Variants in TOP2A observed in about 807,000 individuals in gnomAD.
The protein encoded by TOP2A is DNA topoisomerase 2-alpha.
Under a neutral mutation model 187.2 loss-of-function variants are expected in TOP2A, and 68 were observed. The observed-to-expected ratio is 0.36, with a 90% confidence interval of 0.30 to 0.44. The LOEUF is 0.44. Ranked by LOEUF, TOP2A falls within the 20% of genes least tolerant of loss-of-function variation. TOP2A has a pLI of 1.00. For synonymous variants in TOP2A, 542 were observed against 593.2 expected, an observed-to-expected ratio of 0.91 and a Z score of 1.25; for missense variants, 1,196 against 1,808.7, an observed-to-expected ratio of 0.66 and a Z score of 6.14.
chr17:40,391,962 T>C, intron 32 of TOP2A, 106 bp downstream of exon 32: 3 of 1,276,202 alleles, frequency 2.4e-6, no homozygotes, highest in Non-Finnish European at 3.2e-6. Flanking sequence ...GAACTCAAAT[T>C]TATTTCCAAA....
At chr17:40,417,627 C>T (rs2035408703) in intron 1 of TOP2A, 144 bp downstream of exon 1, 3 of 1,517,502 alleles carry the variant, frequency 2.0e-6, no homozygotes, top group African/African-American at 1.4e-5. Context: ...TCCACGATCA[C>T]CCCGGAACCG....
chr17:40,404,577 A>T, intron 17 of TOP2A, 86 bp from the exon 18 acceptor site: 1 of 809,470 alleles, frequency 1.2e-6, no homozygotes, highest in Non-Finnish European at 2.0e-6. Flanking sequence ...CAGAACTAAG[A>T]ATTATTTCTG....
intron 27 of TOP2A, 33 bp downstream of exon 27, chr17:40,398,525 A>T (rs889624495): frequency 6.6e-7 from 1 of 1,506,028 alleles, no homozygotes; most frequent in East Asian, 2.4e-5. Flanking sequence ...TTCATTAATA[A>T]AAATTCTAAC....
At chr17:40,414,854 CAAAAAAAA>C (rs531134947) in intron 4 of TOP2A, among the ~76,000 whole-genome samples, 2 of 47,630 alleles carry the variant, frequency 4.2e-5, no homozygotes, top group African/African-American at 7.3e-5. Flanking sequence ...AAAACTCCAT[CAAAAAAAA>C]AAAAAAAAAA....
intron 1 of TOP2A, 149 bp downstream of exon 1, chr17:40,417,622 G>T: frequency 6.7e-7 from 1 of 1,500,794 alleles, no homozygotes; most frequent in South Asian, 1.3e-5. Context: ...GCCTCTCCAC[G>T]ATCACCCCGG....
At chr17:40,405,146 C>T (rs1161639370) in intron 16 of TOP2A, among the ~76,000 whole-genome samples, 9 of 150,942 alleles carry the variant, frequency 6.0e-5, no homozygotes, top group Non-Finnish European at 8.9e-5. Context: ...CCCGCCACCA[C>T]GCCCAGCTAA....
intron 6 of TOP2A, 84 bp downstream of exon 6, chr17:40,413,111 T>C (rs1373027801): frequency 3.1e-6 from 4 of 1,309,662 alleles, no homozygotes; most frequent in Non-Finnish European, 4.3e-6. Context: ...TAAATTATGT[T>C]AAATTAAACC....
At chr17:40,389,860 TGAGA>T (rs373151693) in intron 34 of TOP2A, 101 bp downstream of exon 34, 23 of 1,290,850 alleles carry the variant, frequency 1.8e-5, no homozygotes, top group Non-Finnish European at 2.2e-5. Context: ...TAACAGAATA[TGAGA>T]GTTAATTTTC....
chr17:40,396,235 C>T (rs1344900486), intron 28 of TOP2A, 48 bp downstream of exon 28: 3 of 1,054,428 alleles, frequency 2.8e-6, no homozygotes, highest in African/African-American at 3.2e-5. Context: ...CCCACCTTGG[C>T]CCCCAAAGTG....
In TOP2A at chr17:40,412,933, T is replaced by C; in HGVS notation, c.615A>G (p.Glu205=). 1 of 1,613,638 alleles carries C rather than the reference T, an allele frequency of 6.2e-7. No individual in the cohort carries two copies. Among genetic ancestry groups the C allele is most frequent in the Non-Finnish European group, 8.5e-7 (1 of 1,179,748 alleles). The change falls in exon 7 of 35, where the codon GAA becomes GAG. Residue 205 remains glutamate (E), a synonymous_variant. Coordinates refer to ENST00000423485, the MANE Select transcript of TOP2A (RefSeq NM_001067.4). ...MDNMGRAGEM[E]LKPFNGEDYT... is the part of the protein sequence containing the mutation. ...AATCTTCTCCATTGAAGGGCTTGAG[T>C]TCCATCTCACCAGCTCTTCCCATAT... is the stretch of plus-strand genomic sequence containing the variant.
intron 29 of TOP2A, 43 bp from the exon 30 acceptor site, chr17:40,392,780 C>T: frequency 6.8e-7 from 1 of 1,461,172 alleles, no homozygotes; most frequent in African/African-American, 1.4e-5. Flanking sequence ...ATATTAGACC[C>T]ACTTTTCTCC....
In TOP2A at chr17:40,411,172, G is replaced by A. The variant is rs769767710; in HGVS notation, c.1140C>T (p.Asn380=). ...CAAAGCTCTTGGGTTGTAAAGTCATGTTTTCTTTTGTCTGAGAGTCAAAGG... is the reference window on the plus strand; with the variant it reads ...CAAAGCTCTTGGGTTGTAAAGTCATATTTTCTTTTGTCTGAGAGTCAAAGG... The part of the protein sequence containing the change: ...NPTFDSQTKE[N]MTLQPKSFGS... Residue 380 remains asparagine (N), a synonymous_variant, in exon 10 of 35, where the codon AAC becomes AAT. Coordinates refer to ENST00000423485, the MANE Select transcript of TOP2A (RefSeq NM_001067.4). The surrounding 1 kb of genome is among the most constrained non-coding windows in gnomAD (Gnocchi z 4.4). 6.2e-7 allele frequency: 1 copy of A among 1,613,258 alleles called. No individual in the cohort carries two copies. The highest frequency in any genetic ancestry group is 1.3e-5 in the African/African-American group (1 of 74,902).
intron 30 of TOP2A, 104 bp downstream of exon 30, chr17:40,392,481 T>C (rs2035037175): frequency 1.4e-6 from 2 of 1,469,322 alleles, no homozygotes; most frequent in Non-Finnish European, 1.8e-6. Context: ...TAACATAATT[T>C]ACTGCTCTAT....
chr17:40,404,211 C>G lies in TOP2A; in HGVS notation c.2224G>C (p.Val742Leu), dbSNP rs201787875. 4.2e-5 allele frequency: 67 copies of G among 1,613,772 alleles called. No homozygotes were observed. The highest frequency in any genetic ancestry group is 5.5e-5 in the Non-Finnish European group (65 of 1,179,844). The change falls in exon 19 of 35, where the codon GTA becomes CTA. Residue 742 changes from valine to leucine, a missense_variant. By Grantham distance (32) the Val-to-Leu change is conservative. Coordinates refer to ENST00000423485, the MANE Select transcript of TOP2A (RefSeq NM_001067.4). ...GATCCAGCTAATTGGGCAACCTTTA[C>G]TTCTCGCTTGTCATTCCGTTTGAAG... is the stretch of plus-strand genomic sequence containing the variant. Reference protein sequence around the residue: ...TCFKRNDKREVKVAQLAGSVA... With the variant: ...TCFKRNDKRELKVAQLAGSVA...
At position 40,399,844 on chromosome 17, in the gene TOP2A, G is replaced by T. The variant is rs368445057; in HGVS notation, c.3196+28C>A. 9.0e-6 allele frequency: 14 copies of T among 1,551,034 alleles called. No individual in the cohort carries two copies. The East Asian group carries it at 2.9e-4, about 33-fold the overall frequency. ...AAAGTTTGGCGTAACTAGAGTTTTAGTAAGCAGTTATTATTCCCAAAACAT... is the reference window on the plus strand; with the variant it reads ...AAAGTTTGGCGTAACTAGAGTTTTATTAAGCAGTTATTATTCCCAAAACAT... On this transcript the variant is annotated intron_variant, in intron 24 of 34. Coordinates refer to ENST00000423485, the MANE Select transcript of TOP2A (RefSeq NM_001067.4).
At chr17:40,395,212 GGT>G in intron 29 of TOP2A, among the ~76,000 whole-genome samples, 1 of 151,070 alleles carries the variant, frequency 6.6e-6, no homozygotes, top group African/African-American at 2.4e-5. Flanking sequence ...GAACCCAGGA[GGT>G]GAAGATTGCA....
chr17:40,409,949 A>G (rs571755978), intron 10 of TOP2A: 122 of 178,878 alleles, frequency 6.8e-4, no homozygotes, highest in African/African-American at 2.8e-3. Flanking sequence ...TTAGCCAGGC[A>G]TGGTGATGCA....
At chr17:40,394,575 C>T (rs1256347836) in intron 29 of TOP2A, among the ~76,000 whole-genome samples, 1 of 152,130 alleles carries the variant, frequency 6.6e-6, no homozygotes, top group African/African-American at 2.4e-5. Context: ...TCAAGTGATC[C>T]GCCAGCCTCA....
chr17:40,388,642 A>G lies in TOP2A; in HGVS notation c.*877T>C, dbSNP rs745415735. 1.6e-5 allele frequency: 3 copies of G among 186,236 alleles called. No individual in the cohort carries two copies. The highest frequency in any genetic ancestry group is 3.4e-5 in the Non-Finnish European group (3 of 88,084). 11.5% of individuals were successfully genotyped at this position (186,236 alleles called of 1,614,324 possible). ...ATTACTCAAGTCACACACATATAAC[A>G]ATGTAGACAGGTCTTAACAAAGTTT... On this transcript the variant is annotated 3_prime_UTR_variant, in exon 35 of 35. Transcript: ENST00000423485.
Sources: gnomAD v4.1 joint callset for allele counts (sites outside exome capture counted in the v4.1 genomes callset) on GRCh38, gnomAD v4.1.1 for gene constraint, Gnocchi (gnomAD v3.1) non-coding constraint, MANE v1.5 for transcripts, NCBI Gene and HGNC (gene_info 2026-07-23, HGNC 2026-07-21) for gene names.